Variants in STAC observed in about 807,000 individuals in gnomAD.
STAC encodes the protein SH3 and cysteine-rich domain-containing protein.
In STAC, 43 loss-of-function variants were observed where a neutral mutation model predicts 48.8. The ratio of observed to expected loss-of-function variants is 0.88; its 90% CI spans 0.69 to 1.14. The LOEUF (loss-of-function observed/expected upper bound fraction) is 1.14. Ranked by LOEUF, STAC falls within the 50% of genes most tolerant of loss-of-function variation. The probability of loss-of-function intolerance (pLI) is 0.00; values close to 1 mark genes in which losing one functional copy is unlikely to be tolerated. For missense variants in STAC, 497 were observed against 504.0 expected (o/e 0.99, Z 0.13); for synonymous variants, 193 against 179.5 (o/e 1.07, Z -0.60).
Position 36,454,518 on chromosome 3 carries a change from C to A in STAC, c.388+10878C>A, listed in dbSNP as rs529439764. On this transcript the variant is annotated intron_variant, in intron 2 of 10. Transcript: ENST00000273183. Reference sequence around the variant, plus strand: ...GGGTCCGAGGCTTCATTCTTGAAGTCAGTGAGACCAAGAACCCACCAATTC... The same window carrying A: ...GGGTCCGAGGCTTCATTCTTGAAGTAAGTGAGACCAAGAACCCACCAATTC... 3.3e-5 allele frequency among the ~76,000 whole-genome samples: 5 copies of A among 152,310 alleles called. No individual in the cohort carries two copies. The South Asian group carries it at 1.0e-3, about 32-fold the overall frequency.
intron 1 of STAC, among the ~76,000 whole-genome samples, chr3:36,385,234 T>C (rs1001880560): frequency 2.6e-5 from 4 of 152,260 alleles, no homozygotes; most frequent in Middle Eastern, 3.4e-3. Flanking sequence ...ACACAAATAT[T>C]GAAGATAGCC....
At chr3:36,491,780 G>A (rs1433316623) in intron 5 of STAC, among the ~76,000 whole-genome samples, 1 of 151,254 alleles carries the variant, frequency 6.6e-6, no homozygotes, top group Non-Finnish European at 1.5e-5. Context: ...TTGGGAGGCT[G>A]AGGCAGGCAG....
chr3:36,512,076 A>G (rs1490965237), intron 8 of STAC, among the ~76,000 whole-genome samples: 2 of 152,080 alleles, frequency 1.3e-5, no homozygotes, highest in African/African-American at 4.8e-5. Context: ...TTCCAGAAAA[A>G]AGTTTGGGGG....
chr3:36,449,378 T>G (rs957709527), intron 2 of STAC, among the ~76,000 whole-genome samples: 1 of 152,172 alleles, frequency 6.6e-6, no homozygotes, highest in Non-Finnish European at 1.5e-5. Context: ...TGAACACAAT[T>G]TGGCGTGTAT....
At chr3:36,459,399 G>A (rs544448853) in intron 2 of STAC, 1 of 152,266 alleles carries the variant, frequency 6.6e-6, no homozygotes, top group South Asian at 2.1e-4. Flanking sequence ...AGGATGAATA[G>A]GAGTTAATGA....
chr3:36,438,952 A>G (rs942449028), intron 1 of STAC, among the ~76,000 whole-genome samples: 2 of 152,174 alleles, frequency 1.3e-5, no homozygotes, highest in Non-Finnish European at 2.9e-5. Context: ...AGAAATTTGA[A>G]ATATATAAAA....
At chr3:36,482,575 C>G (rs565378960) in intron 2 of STAC, among the ~76,000 whole-genome samples, 262 of 152,250 alleles carry the variant, frequency 1.7e-3, no homozygotes, top group Non-Finnish European at 2.3e-3. Context: ...AGTCATTTTC[C>G]TGAGAATTTA....
intron 1 of STAC, among the ~76,000 whole-genome samples, chr3:36,424,213 T>C (rs1700512545): frequency 6.6e-6 from 1 of 152,074 alleles, no homozygotes; most frequent in South Asian, 2.1e-4. Context: ...CTGTTCTTCA[T>C]GTTTTTTTCC....
At chr3:36,385,962 T>C (rs1699607279) in intron 1 of STAC, among the ~76,000 whole-genome samples, 1 of 152,096 alleles carries the variant, frequency 6.6e-6, no homozygotes, top group African/African-American at 2.4e-5. Flanking sequence ...ACATTCCTTA[T>C]ATATATTCTT....
intron 10 of STAC, among the ~76,000 whole-genome samples, chr3:36,538,056 G>C (rs1699240343): frequency 6.6e-6 from 1 of 151,966 alleles, no homozygotes; most frequent in South Asian, 2.1e-4. Flanking sequence ...ATAAAATAGA[G>C]ACCATAAGCA....
At chr3:36,538,352 C>T (rs1046791738) in intron 10 of STAC, among the ~76,000 whole-genome samples, 2 of 152,014 alleles carry the variant, frequency 1.3e-5, no homozygotes, top group African/African-American at 2.4e-5. Flanking sequence ...AGCATTTGGC[C>T]CTTTATAGAA....
intron 5 of STAC, among the ~76,000 whole-genome samples, chr3:36,491,398 C>A (rs80136213): frequency 0.018 from 2,669 of 152,226 alleles, 22 homozygotes; most frequent in Non-Finnish European, 0.021. Flanking sequence ...ACAACATTCT[C>A]GGAGTTAGTT....
In STAC at chr3:36,546,253, A is replaced by G. The variant is rs199839116; in HGVS notation, c.1173A>G (p.Lys391=). Residue 391 remains lysine, a synonymous_variant, in exon 11 of 11, where the codon AAA becomes AAG. Coordinates refer to ENST00000273183, the MANE Select transcript of STAC (RefSeq NM_003149.3). Reference sequence around the variant, plus strand: ...TCAGAGTCCTCAGTGGAAAAAAGAAAGGCCTCATCCCCCTTGATGTACTAG... The same window carrying G: ...TCAGAGTCCTCAGTGGAAAAAAGAAGGGCCTCATCCCCCTTGATGTACTAG... ...GFIRVLSGKK[K]GLIPLDVLEN... is the part of the protein sequence containing the mutation. The G allele has an allele frequency of 2.5e-6, 4 of 1,614,088 alleles. No individual in the cohort carries two copies. Among genetic ancestry groups the G allele is most frequent in the Non-Finnish European group, 2.5e-6 (3 of 1,179,964 alleles).
intron 10 of STAC, among the ~76,000 whole-genome samples, chr3:36,540,934 C>G (rs893125834): frequency 6.6e-6 from 1 of 152,114 alleles, no homozygotes; most frequent in Admixed American, 6.6e-5. Flanking sequence ...TTACAAAAAT[C>G]AAACTCAAAC....
intron 8 of STAC, among the ~76,000 whole-genome samples, chr3:36,522,670 G>A (rs948386204): frequency 1.3e-5 from 2 of 152,314 alleles, no homozygotes; most frequent in African/African-American, 4.8e-5. Context: ...AAAGGCCCTA[G>A]GGCATTCTGC....
In STAC at chr3:36,528,980, A is replaced by T; in HGVS notation, c.1105A>T (p.Asn369Tyr). 13 of 1,603,114 alleles carry T rather than the reference A, an allele frequency of 8.1e-6. No individual in the cohort carries two copies. The highest frequency in any genetic ancestry group is 1.0e-5 in the Non-Finnish European group (12 of 1,173,926). Residue 369 changes from asparagine to tyrosine, a missense_variant, in exon 10 of 11, where the codon AAT becomes TAT. By Grantham distance (143) the Asn-to-Tyr change is moderately radical. Coordinates refer to ENST00000273183, the MANE Select transcript of STAC (RefSeq NM_003149.3). Reference protein sequence around the residue: ...KEQGQITLKENQICVSSEEEQ... With the variant: ...KEQGQITLKEYQICVSSEEEQ... ...ACAGGGGCAGATAACACTGAAAGAGAATCAGGTGAGTAAACCACACAAACA... is the reference window on the plus strand; with the variant it reads ...ACAGGGGCAGATAACACTGAAAGAGTATCAGGTGAGTAAACCACACAAACA...
chr3:36,494,728 T>G (rs1401665125), intron 6 of STAC, among the ~76,000 whole-genome samples: 1 of 152,234 alleles, frequency 6.6e-6, no homozygotes, highest in Non-Finnish European at 1.5e-5. Flanking sequence ...GAAACTGTAC[T>G]TTTAGATAAT....
chr3:36,479,723 C>A (rs567573181), intron 2 of STAC, among the ~76,000 whole-genome samples: 5 of 152,222 alleles, frequency 3.3e-5, no homozygotes, highest in Non-Finnish European at 7.3e-5. Flanking sequence ...AAGAGCCAGA[C>A]TGAGACAGAT....
chr3:36,427,969 A>T (rs573849384), intron 1 of STAC, among the ~76,000 whole-genome samples: 1 of 152,122 alleles, frequency 6.6e-6, no homozygotes, highest in East Asian at 1.9e-4. Context: ...TACTCTTTAA[A>T]AATGTCACAA....
Sources: allele counts gnomAD v4.1 joint callset (sites outside exome capture counted in the v4.1 genomes callset), GRCh38; gene constraint gnomAD v4.1.1; transcripts MANE v1.5; gene names NCBI Gene and HGNC (gene_info 2026-07-23, HGNC 2026-07-21).